ELAPOR2: variants seen among roughly 807,000 people sequenced by gnomAD.
The protein encoded by ELAPOR2 is endosome/lysosome-associated apoptosis and autophagy regulator family member 2.
ELAPOR2 carries 89 observed loss-of-function variants against 120.7 expected under a neutral mutation model. The observed-to-expected ratio is 0.74, with a 90% CI of 0.62 to 0.88. ELAPOR2 has a LOEUF of 0.88. Among genes scored for constraint, ELAPOR2 ranks in the 40% least tolerant of loss-of-function variants. ELAPOR2 has a pLI of 0.00. For missense variants in ELAPOR2, 1,134 were observed against 1,251.6 expected (o/e 0.91, Z 1.42); for synonymous variants, 444 against 444.9 (o/e 1.00, Z 0.03).
At chr7:87,052,218 G>C (rs1311876426) in intron 1 of ELAPOR2, among the ~76,000 whole-genome samples, 3 of 152,162 alleles carry the variant, frequency 2.0e-5, no homozygotes, top group Admixed American at 1.3e-4. Context: ...AAAAGAAAGG[G>C]ATTTAATGGA....
intron 1 of ELAPOR2, among the ~76,000 whole-genome samples, 164 bp downstream of exon 1, chr7:87,059,161 G>T (rs1470245646): frequency 4.0e-5 from 6 of 151,634 alleles, no homozygotes; most frequent in African/African-American, 4.9e-5. Context: ...CTCCGGGCCA[G>T]CTACCAGGGC....
intron 8 of ELAPOR2, among the ~76,000 whole-genome samples, chr7:86,935,014 C>T (rs760228236): frequency 2.6e-5 from 4 of 151,966 alleles, no homozygotes; most frequent in African/African-American, 7.2e-5. Flanking sequence ...CTTCTCTCAC[C>T]GGGAGAAGGG....
At chr7:87,003,593 C>G (rs1793384096) in intron 1 of ELAPOR2, among the ~76,000 whole-genome samples, 1 of 152,140 alleles carries the variant, frequency 6.6e-6, no homozygotes, top group Non-Finnish European at 1.5e-5. Flanking sequence ...CTCAGCCATG[C>G]CTCCTGGACA....
At chr7:87,040,188 T>G (rs1302420751) in intron 1 of ELAPOR2, among the ~76,000 whole-genome samples, 2 of 152,118 alleles carry the variant, frequency 1.3e-5, no homozygotes, top group African/African-American at 4.8e-5. Flanking sequence ...GCAGCGAGGC[T>G]GGGGGAGAGG....
intron 8 of ELAPOR2, among the ~76,000 whole-genome samples, chr7:86,932,072 T>C (rs937577610): frequency 6.6e-6 from 1 of 151,814 alleles, no homozygotes; most frequent in Admixed American, 6.6e-5. Flanking sequence ...GAATTATTGG[T>C]TGGCTATGGG....
rs1158683592 is a variant in ELAPOR2, at chr7:86,952,112, G to C, written c.311-4190C>G. ...TGTCACCTTGTTCATTCATGTAGTT[G>C]GGTGACTCAGATATCTCACCACTCT... is the stretch of plus-strand genomic sequence containing the variant. On this transcript the variant is annotated intron_variant, in intron 2 of 21. Coordinates refer to ENST00000450689, the MANE Select transcript of ELAPOR2 (RefSeq NM_001142749.3). 2.0e-5 allele frequency among the ~76,000 whole-genome samples: 3 copies of C among 152,184 alleles called. No individual in the cohort carries two copies. The East Asian group carries it at 5.8e-4, about 29-fold the overall frequency.
chr7:86,925,482 T>C (rs1034843105), intron 10 of ELAPOR2, 46 bp downstream of exon 10: 1 of 1,598,898 alleles, frequency 6.3e-7, no homozygotes, highest in Non-Finnish European at 8.6e-7. Context: ...GAATGAATGA[T>C]GTCTCTATTG....
At chr7:87,000,979 C>T (rs1247135146) in intron 1 of ELAPOR2, among the ~76,000 whole-genome samples, 1 of 152,168 alleles carries the variant, frequency 6.6e-6, no homozygotes, top group East Asian at 1.9e-4. Context: ...AATATTGTAA[C>T]TCAGAACTGT....
At chr7:87,043,502 G>A (rs1341579862) in intron 1 of ELAPOR2, among the ~76,000 whole-genome samples, 1 of 151,468 alleles carries the variant, frequency 6.6e-6, no homozygotes, top group African/African-American at 2.4e-5. Context: ...CAGAGCCAAA[G>A]ACAAAAACCA....
At chr7:86,909,226 T>C (rs1789180397) in intron 16 of ELAPOR2, among the ~76,000 whole-genome samples, 1 of 151,976 alleles carries the variant, frequency 6.6e-6, no homozygotes, top group Non-Finnish European at 1.5e-5. Flanking sequence ...CACATCCGAA[T>C]CACCTATGAA....
intron 18 of ELAPOR2, among the ~76,000 whole-genome samples, chr7:86,897,953 T>C (rs1788521623): frequency 6.6e-6 from 1 of 152,154 alleles, no homozygotes; most frequent in South Asian, 2.1e-4. Flanking sequence ...ACCAATTAAG[T>C]ATAGAGTTAC....
chr7:87,012,936 A>C (rs1429994917), intron 1 of ELAPOR2, among the ~76,000 whole-genome samples: 1 of 152,198 alleles, frequency 6.6e-6, no homozygotes, highest in African/African-American at 2.4e-5. Flanking sequence ...TTGACCATAA[A>C]AAATGTTAAA....
intron 1 of ELAPOR2, among the ~76,000 whole-genome samples, chr7:86,979,907 CTT>C (rs1199103381): frequency 3.9e-5 from 6 of 152,260 alleles, no homozygotes; most frequent in Admixed American, 2.0e-4. Context: ...TTTCTCATCT[CTT>C]TTTTCCACTT....
At chr7:87,032,211 A>G (rs1251566402) in intron 1 of ELAPOR2, among the ~76,000 whole-genome samples, 3 of 152,228 alleles carry the variant, frequency 2.0e-5, no homozygotes, top group Non-Finnish European at 4.4e-5. Flanking sequence ...ATTTGTTTAA[A>G]GATTGAGGCA....
intron 1 of ELAPOR2, among the ~76,000 whole-genome samples, chr7:87,048,598 G>A (rs1237460794): frequency 6.6e-6 from 1 of 152,170 alleles, no homozygotes; most frequent in Non-Finnish European, 1.5e-5. Context: ...CAAATAGTAA[G>A]TTAATTGTAC....
At chr7:86,925,450 T>G (rs746555249) in intron 10 of ELAPOR2, 78 bp downstream of exon 10, 54 of 1,457,578 alleles carry the variant, frequency 3.7e-5, no homozygotes, top group Non-Finnish European at 5.0e-5. Flanking sequence ...ATACTTGGTA[T>G]GTTTTAGAGA....
At chr7:86,949,590 T>A (rs1254021209) in intron 2 of ELAPOR2, among the ~76,000 whole-genome samples, 1 of 152,168 alleles carries the variant, frequency 6.6e-6, no homozygotes, top group Non-Finnish European at 1.5e-5. Context: ...CCAGGGCATC[T>A]TGGCACTCTC....
At chr7:87,024,875 G>T (rs924521677) in intron 1 of ELAPOR2, among the ~76,000 whole-genome samples, 3 of 151,568 alleles carry the variant, frequency 2.0e-5, no homozygotes, top group Admixed American at 6.6e-5. Flanking sequence ...TCTCTGAATA[G>T]ACCAATAACA....
intron 2 of ELAPOR2, among the ~76,000 whole-genome samples, chr7:86,962,937 C>G (rs915398814): frequency 6.6e-6 from 1 of 152,090 alleles, no homozygotes; most frequent in African/African-American, 2.4e-5. Flanking sequence ...GTTGCTTAAG[C>G]CTATTAACTT....
Sources: gnomAD v4.1 joint callset for allele counts (sites outside exome capture counted in the v4.1 genomes callset) on GRCh38, gnomAD v4.1.1 for gene constraint, MANE v1.5 for transcripts, NCBI Gene and HGNC (gene_info 2026-07-23, HGNC 2026-07-21) for gene names.